The following STAC variants were observed in gnomAD, a reference collection of about 807,000 sequenced individuals.
STAC encodes SH3 and cysteine-rich domain-containing protein.
STAC carries 43 observed loss-of-function variants against 48.8 expected under a neutral mutation model. The observed-to-expected ratio is 0.88, with a 90% confidence interval of 0.69 to 1.14. The LOEUF (loss-of-function observed/expected upper bound fraction) is 1.14. Ranked by LOEUF, STAC falls within the 50% of genes most tolerant of loss-of-function variation. The probability of loss-of-function intolerance (pLI) is 0.00; values close to 1 mark genes in which losing one functional copy is unlikely to be tolerated. For synonymous variants in STAC, 193 were observed against 179.5 expected (o/e 1.07, Z -0.60); for missense variants, 497 against 504.0 (o/e 0.99, Z 0.13).
intron 5 of STAC, among the ~76,000 whole-genome samples, chr3:36,487,530 C>T (rs1007035331): frequency 1.3e-5 from 2 of 152,190 alleles, no homozygotes; most frequent in Admixed American, 6.5e-5. Flanking sequence ...CTACAGTTTA[C>T]TAGCACTGTA....
rs563672391 is a variant in STAC, at chr3:36,528,460, T to A, written c.921-236T>A. Among the ~76,000 whole-genome samples, 7 of 145,508 alleles carry A rather than the reference T, an allele frequency of 4.8e-5. No homozygotes were observed. The East Asian group carries it at 1.3e-3, about 26-fold the overall frequency. On this transcript the variant is annotated intron_variant, in intron 8 of 10. Transcript: ENST00000273183. ...CTCCAGCCTGGCGACAGAGCGAGAC[T>A]CTGTTTAAAAAAAAAAAAAAAAGAG...
rs181128726 is a variant in STAC at position 36,508,145 on chromosome 3, A to T, written c.920+2311A>T. Among the ~76,000 whole-genome samples, 3 of 152,234 alleles carry T rather than the reference A, an allele frequency of 2.0e-5. No homozygotes were observed. In the East Asian group the frequency reaches 5.8e-4, roughly 29 times the overall value. The stretch of plus-strand genomic sequence containing the variant: ...TCTTTGTTCTCATTGCTGTCAAGTA[A>T]CTTATTTATTTCTGCCTTAATGTCA... On this transcript the variant is annotated intron_variant, in intron 8 of 10. Transcript: ENST00000273183.
chr3:36,465,265 G>T (rs930075573), intron 2 of STAC, among the ~76,000 whole-genome samples: 1 of 152,090 alleles, frequency 6.6e-6, no homozygotes, highest in Admixed American at 6.5e-5. Context: ...ATCTTCTCTA[G>T]AGAGCTGTCT....
At chr3:36,389,962 T>C (rs1477275011) in intron 1 of STAC, among the ~76,000 whole-genome samples, 1 of 123,740 alleles carries the variant, frequency 8.1e-6, no homozygotes, top group East Asian at 2.4e-4. Flanking sequence ...TATAATTCTC[T>C]TTCATTTGGG....
intron 1 of STAC, among the ~76,000 whole-genome samples, chr3:36,434,336 C>T (rs986988135): frequency 3.3e-5 from 5 of 152,134 alleles, no homozygotes; most frequent in Admixed American, 2.6e-4. Flanking sequence ...CATTTCAATG[C>T]TCTTTATTCA....
chr3:36,477,009 G>A (rs1248559390), intron 2 of STAC, among the ~76,000 whole-genome samples: 1 of 152,150 alleles, frequency 6.6e-6, no homozygotes, highest in Admixed American at 6.5e-5. Flanking sequence ...TATCTTGCCT[G>A]TATTTACCTT....
intron 1 of STAC, 42 bp downstream of exon 1, chr3:36,380,796 T>G (rs1056347320): frequency 1.4e-6 from 2 of 1,472,532 alleles, no homozygotes; most frequent in African/African-American, 2.8e-5. Flanking sequence ...AAACTCACTC[T>G]CCTCTCCTGT....
intron 2 of STAC, among the ~76,000 whole-genome samples, chr3:36,456,729 C>T (rs921857665): frequency 1.3e-5 from 2 of 152,156 alleles, no homozygotes; most frequent in African/African-American, 4.8e-5. Flanking sequence ...GGGCAGATGG[C>T]ACCTCATCCT....
intron 8 of STAC, among the ~76,000 whole-genome samples, chr3:36,509,476 G>T (rs144865622): frequency 6.6e-6 from 1 of 152,206 alleles, no homozygotes; most frequent in East Asian, 1.9e-4. Flanking sequence ...AAGTTCTCCT[G>T]GATAATACCC....
chr3:36,413,818 G>C (rs1214800801), intron 1 of STAC, among the ~76,000 whole-genome samples: 1 of 152,110 alleles, frequency 6.6e-6, no homozygotes, highest in Non-Finnish European at 1.5e-5. Flanking sequence ...GGTACCAGTT[G>C]CTCCTTTCCA....
intron 1 of STAC, among the ~76,000 whole-genome samples, chr3:36,399,469 G>A (rs900617319): frequency 1.3e-5 from 2 of 152,178 alleles, no homozygotes; most frequent in East Asian, 1.9e-4. Flanking sequence ...CCCCTAGCAC[G>A]ACACTGAGTA....
chr3:36,410,361 G>A (rs34579659), intron 1 of STAC, among the ~76,000 whole-genome samples: 18,809 of 152,148 alleles, frequency 0.12, 1,237 homozygotes, highest in Non-Finnish European at 0.15. Flanking sequence ...AATGTTTATT[G>A]GGTTGATACT....
chr3:36,529,230 C>T (rs184217045), intron 10 of STAC: 468 of 267,206 alleles, frequency 1.8e-3, no homozygotes, highest in Non-Finnish European at 2.5e-3. Context: ...GACGACATCT[C>T]GTCCCCCATG....
intron 6 of STAC, among the ~76,000 whole-genome samples, chr3:36,504,088 G>C (rs550949801): frequency 9.9e-5 from 15 of 152,198 alleles, no homozygotes; most frequent in Non-Finnish European, 1.8e-4. Context: ...CTCCTGAGAG[G>C]TACACTACCA....
At position 36,504,419 on chromosome 3, in the gene STAC, G is replaced by A. The variant is rs1575246021; in HGVS notation, c.793G>A (p.Asp265Asn). 6.2e-7 allele frequency: 1 copy of A among 1,613,564 alleles called. No individual in the cohort carries two copies. The highest frequency in any genetic ancestry group is 8.5e-7 in the Non-Finnish European group (1 of 1,179,690). Residue 265 changes from aspartate (D) to asparagine (N), a missense_variant, in exon 7 of 11, where the codon GAT becomes AAT. Coordinates refer to ENST00000273183, the MANE Select transcript of STAC (RefSeq NM_003149.3). ...GTTTACATATCCAGAAAATGGCACT[G>A]ATGATTTCAGAGATCCAGCGAAGAA... ...SVFTYPENGT[D>N]DFRDPAKNIN... is the part of the protein sequence containing the mutation.
chr3:36,448,901 ACC>A (rs10573449), intron 2 of STAC, among the ~76,000 whole-genome samples: 9,348 of 143,154 alleles, frequency 0.065, 602 homozygotes, highest in African/African-American at 0.17. Flanking sequence ...AAAACAGTGA[ACC>A]CCCCCCCCCA....
chr3:36,457,705 T>A (rs1219832341), intron 2 of STAC, among the ~76,000 whole-genome samples: 1 of 152,156 alleles, frequency 6.6e-6, no homozygotes, highest in East Asian at 1.9e-4. Context: ...GGATGGCAAG[T>A]CCAGATGTTT....
chr3:36,464,744 C>A (rs926625335), intron 2 of STAC, among the ~76,000 whole-genome samples: 1 of 152,072 alleles, frequency 6.6e-6, no homozygotes, highest in Non-Finnish European at 1.5e-5. Flanking sequence ...ACAATAGTCT[C>A]CGATTCCATC....
intron 1 of STAC, among the ~76,000 whole-genome samples, chr3:36,422,577 A>C (rs749580861): frequency 6.6e-6 from 1 of 152,178 alleles, no homozygotes; most frequent in Non-Finnish European, 1.5e-5. Flanking sequence ...TAAATATGTA[A>C]AACATTTACG....
Sources: allele counts gnomAD v4.1 joint callset (sites outside exome capture counted in the v4.1 genomes callset), GRCh38; gene constraint gnomAD v4.1.1; transcripts MANE v1.5; gene names NCBI Gene and HGNC (gene_info 2026-07-23, HGNC 2026-07-21).